Variants in TEX14 observed in about 807,000 individuals in gnomAD.
TEX14 encodes inactive serine/threonine-protein kinase TEX14.
Under a neutral mutation model 178.6 loss-of-function variants are expected in TEX14, and 168 were observed. The observed-to-expected ratio is 0.94, with a 90% confidence interval of 0.83 to 1.07. The LOEUF (loss-of-function observed/expected upper bound fraction) is 1.07, where lower values mean the gene tolerates loss of function less well. Among genes scored for constraint, TEX14 ranks in the 50% least tolerant of loss-of-function variants. The pLI, the probability that TEX14 is intolerant of heterozygous loss-of-function variation, is 0.00. For missense variants in TEX14, 1,730 were observed against 1,753.6 expected, an observed-to-expected ratio of 0.99 and a Z score of 0.24; for synonymous variants, 626 against 634.1, an observed-to-expected ratio of 0.99 and a Z score of 0.19.
intron 15 of TEX14, among the ~76,000 whole-genome samples, chr17:58,589,041 G>A (rs1266748984): frequency 1.3e-5 from 2 of 152,160 alleles, no homozygotes; most frequent in Non-Finnish European, 2.9e-5. Context: ...TGGGAGGCCA[G>A]GGCAGGCGGA....
intron 30 of TEX14, among the ~76,000 whole-genome samples, chr17:58,558,186 C>T (rs767764304): frequency 6.6e-6 from 1 of 152,150 alleles, no homozygotes; most frequent in Non-Finnish European, 1.5e-5. Flanking sequence ...AATGTACCCA[C>T]GGCTGGTTCA....
chr17:58,652,458 TCTC>T (rs926937635), intron 1 of TEX14, among the ~76,000 whole-genome samples: 1 of 152,084 alleles, frequency 6.6e-6, no homozygotes, highest in Non-Finnish European at 1.5e-5. Context: ...GCTCAGTACT[TCTC>T]CTTCCTGCCA....
At chr17:58,573,134 G>A in intron 23 of TEX14, 47 bp downstream of exon 23, 2 of 1,606,666 alleles carry the variant, frequency 1.2e-6, no homozygotes, top group Non-Finnish European at 1.7e-6. Context: ...ACAATGGGCT[G>A]GGGCTGTAAG....
At chr17:58,629,885 G>A (rs1406494605) in intron 3 of TEX14, among the ~76,000 whole-genome samples, 4 of 146,056 alleles carry the variant, frequency 2.7e-5, no homozygotes, top group African/African-American at 1.0e-4. Flanking sequence ...ATTAAACTCC[G>A]ATTCTTTTCG....
chr17:58,685,654 C>A (rs1305296684), intron 1 of TEX14, among the ~76,000 whole-genome samples: 3 of 151,626 alleles, frequency 2.0e-5, no homozygotes, highest in Non-Finnish European at 4.4e-5. Context: ...CCAAAACATG[C>A]AAGCTTTTTT....
intron 15 of TEX14, among the ~76,000 whole-genome samples, chr17:58,593,350 G>A (rs970278388): frequency 6.6e-6 from 1 of 152,210 alleles, no homozygotes; most frequent in Non-Finnish European, 1.5e-5. Context: ...TAACCTGCCA[G>A]CCACTTGGGC....
In TEX14 at chr17:58,559,915, A is replaced by G. The variant is rs183607454; in HGVS notation, c.4158-353T>C. Among the ~76,000 whole-genome samples the G allele has an allele frequency of 1.8e-3, 276 of 152,292 alleles. 2 individuals carry two copies. Among genetic ancestry groups the G allele is most frequent in the African/African-American group, 6.4e-3 (267 of 41,568 alleles). On this transcript the variant is annotated intron_variant, in intron 29 of 31. Transcript: ENST00000349033. Reference sequence around the variant, plus strand: ...CAACCACTATGCTATACTGCTCCAAAGGAAAAAAAAGGCATTTTACTTAAG... The same window carrying G: ...CAACCACTATGCTATACTGCTCCAAGGGAAAAAAAAGGCATTTTACTTAAG...
Position 58,587,941 on chromosome 17 carries a change from C to T in TEX14, c.2657G>A (p.Arg886Gln), listed in dbSNP as rs1234939085. 28 of 1,613,504 alleles carry T rather than the reference C, an allele frequency of 1.7e-5. No homozygotes were observed. The highest frequency in any genetic ancestry group is 7.7e-5 in the South Asian group (7 of 91,056). ...GCTGGGTGATGCAGAAGGTCCCTGCCGGTGGCTTGACAGAGTGAAGAGTGC... is the reference window on the plus strand; with the variant it reads ...GCTGGGTGATGCAGAAGGTCCCTGCTGGTGGCTTGACAGAGTGAAGAGTGC... The part of the protein sequence containing the change: ...NSALFTLSSH[R>Q]QGPSASPSCH... Residue 886 changes from arginine (R) to glutamine (Q), a missense_variant, in exon 16 of 32, where the codon CGG becomes CAG. Coordinates refer to ENST00000349033, the MANE Select transcript of TEX14 (RefSeq NM_031272.5).
chr17:58,642,916 T>C (rs751241769), intron 2 of TEX14, among the ~76,000 whole-genome samples: 2 of 152,188 alleles, frequency 1.3e-5, no homozygotes, highest in Non-Finnish European at 1.5e-5. Flanking sequence ...CACTGACCAC[T>C]ATGAGTTTTG....
Position 58,651,854 on chromosome 17 carries a change from C to T in TEX14, c.136+12G>A. ...TACCAAGGTGCATCTGCCATCTCAA[C>T]ATGGTGCTTACCTTTCTTAAGAATT... On this transcript the variant is annotated intron_variant, in intron 2 of 31. Coordinates refer to ENST00000349033, the MANE Select transcript of TEX14 (RefSeq NM_031272.5). 4 of 1,598,100 alleles carry T rather than the reference C, an allele frequency of 2.5e-6. No individual in the cohort carries two copies. The highest frequency in any genetic ancestry group is 3.4e-6 in the Non-Finnish European group (4 of 1,174,240).
intron 1 of TEX14, among the ~76,000 whole-genome samples, chr17:58,658,387 CTTT>C (rs34857563): frequency 5.9e-4 from 56 of 95,028 alleles, no homozygotes; most frequent in Non-Finnish European, 7.0e-4. Flanking sequence ...TGTGCACCGG[CTTT>C]TTTTTTTTTT....
intron 14 of TEX14, among the ~76,000 whole-genome samples, chr17:58,596,745 A>G (rs912119006): frequency 2.0e-5 from 3 of 151,966 alleles, no homozygotes; most frequent in Non-Finnish European, 4.4e-5. Context: ...AGATAAAGAA[A>G]TAAATACCAG....
intron 1 of TEX14, among the ~76,000 whole-genome samples, chr17:58,659,696 T>G (rs1337354176): frequency 6.6e-6 from 1 of 152,212 alleles, no homozygotes; most frequent in African/African-American, 2.4e-5. Context: ...TTTTGTTATT[T>G]TTTCAGAGAA....
At chr17:58,613,931 T>C (rs370815706) in intron 8 of TEX14, among the ~76,000 whole-genome samples, 5 of 152,016 alleles carry the variant, frequency 3.3e-5, no homozygotes, top group African/African-American at 1.2e-4. Context: ...CCTCCCAAAG[T>C]GCTGGGATTA....
At chr17:58,650,868 G>A (rs899585673) in intron 2 of TEX14, among the ~76,000 whole-genome samples, 31 of 152,198 alleles carry the variant, frequency 2.0e-4, no homozygotes, top group African/African-American at 7.2e-4. Context: ...GAAGCAAGTG[G>A]AGAAAAACCA....
At position 58,599,166 on chromosome 17, in the gene TEX14, T is replaced by A. The variant is rs746649830; in HGVS notation, c.2179A>T (p.Ile727Phe). 1 of 1,546,482 alleles carries A rather than the reference T, an allele frequency of 6.5e-7. No homozygotes were observed. The highest frequency in any genetic ancestry group is 8.9e-7 in the Non-Finnish European group (1 of 1,118,786). The stretch of plus-strand genomic sequence containing the variant: ...TTTAGATCCAGCACACACTTACTGA[T>A]GAGATACTCCTCAGTCGTGGACATG... ...NNMSTTEEYLISKCVLDLKIM... is the reference protein window; with the variant it reads ...NNMSTTEEYLFSKCVLDLKIM... The change falls in exon 14 of 32, where the codon ATC (isoleucine) becomes TTC (phenylalanine). Residue 727 changes from isoleucine to phenylalanine, a missense_variant. This residue lies in a region of TEX14 where 941 missense variants were observed against 1,072.4 expected (regional missense o/e 0.88). Transcript: ENST00000349033.
At chr17:58,574,998 T>C (rs2044642201) in intron 21 of TEX14, among the ~76,000 whole-genome samples, 2 of 152,214 alleles carry the variant, frequency 1.3e-5, no homozygotes, top group East Asian at 3.9e-4. Flanking sequence ...ATGGCCAGAA[T>C]AGTGAAGACA....
intron 1 of TEX14, among the ~76,000 whole-genome samples, chr17:58,670,024 G>A (rs779544104): frequency 7.2e-5 from 11 of 152,106 alleles, no homozygotes; most frequent in Non-Finnish European, 1.2e-4. Context: ...AGCTACAGCC[G>A]CAGCCTCTTT....
At chr17:58,609,025 T>C (rs1335575295) in intron 10 of TEX14, among the ~76,000 whole-genome samples, 1 of 152,222 alleles carries the variant, frequency 6.6e-6, no homozygotes, top group Non-Finnish European at 1.5e-5. Context: ...GATGAGAAAG[T>C]GAGCAGTTCA....
Sources: gnomAD v4.1 joint callset for allele counts (sites outside exome capture counted in the v4.1 genomes callset) on GRCh38, gnomAD v4.1.1 for gene constraint, gnomAD v4.1.1 regional missense constraint, MANE v1.5 for transcripts, NCBI Gene and HGNC (gene_info 2026-07-23, HGNC 2026-07-21) for gene names.